Variants in ADGRB3 observed in about 807,000 individuals in gnomAD.
The protein encoded by ADGRB3 is adhesion G protein-coupled receptor B3.
In ADGRB3, 37 loss-of-function variants were observed where a neutral mutation model predicts 193.4. The observed-to-expected ratio is 0.19, with a 90% confidence interval of 0.15 to 0.25. ADGRB3 has a LOEUF of 0.25. ADGRB3 is among the 10% of genes least tolerant of loss of function. The pLI, the probability that ADGRB3 is intolerant of heterozygous loss-of-function variation, is 1.00. For synonymous variants in ADGRB3, 690 were observed against 644.2 expected, an observed-to-expected ratio of 1.07 and a Z score of -1.08; for missense variants, 1,637 against 1,852.9, an observed-to-expected ratio of 0.88 and a Z score of 2.14.
intron 3 of ADGRB3, among the ~76,000 whole-genome samples, chr6:68,647,557 G>A (rs1768246619): frequency 6.6e-6 from 1 of 152,124 alleles, no homozygotes; most frequent in Non-Finnish European, 1.5e-5. Flanking sequence ...ATAGAGATAT[G>A]TGTCTGTTTT....
At chr6:68,814,483 T>C (rs1392812128) in intron 3 of ADGRB3, among the ~76,000 whole-genome samples, 1 of 152,212 alleles carries the variant, frequency 6.6e-6, no homozygotes, top group African/African-American at 2.4e-5. Flanking sequence ...AAAAAGTTTC[T>C]CCCATTCTGT....
At chr6:69,330,615 A>G (rs758412264) in intron 23 of ADGRB3, 43 bp downstream of exon 23, 1 of 1,522,288 alleles carries the variant, frequency 6.6e-7, no homozygotes, top group South Asian at 1.3e-5. Flanking sequence ...TAGGAAAAAA[A>G]AAAAAGACTA....
intron 17 of ADGRB3, among the ~76,000 whole-genome samples, chr6:69,172,675 GAAAT>G (rs1422714652): frequency 1.0e-5 from 1 of 96,382 alleles, no homozygotes; most frequent in Non-Finnish European, 2.1e-5. Context: ...AAAAAAAAGA[GAAAT>G]AAAGAAAAAG....
chr6:69,328,772 G>C (rs951880033), intron 22 of ADGRB3, among the ~76,000 whole-genome samples: 1 of 152,084 alleles, frequency 6.6e-6, no homozygotes, highest in African/African-American at 2.4e-5. Flanking sequence ...GCCATCTATA[G>C]TATTTTTAAA....
At chr6:69,183,122 T>C (rs1764970177) in intron 17 of ADGRB3, among the ~76,000 whole-genome samples, 2 of 152,138 alleles carry the variant, frequency 1.3e-5, no homozygotes, top group South Asian at 4.1e-4. Context: ...TTGGAGGATA[T>C]ACATTATTTA....
chr6:68,850,782 T>C (rs760488686), intron 3 of ADGRB3, among the ~76,000 whole-genome samples: 1 of 152,034 alleles, frequency 6.6e-6, no homozygotes, highest in Non-Finnish European at 1.5e-5. Flanking sequence ...GCATTCATTA[T>C]ATAAACCTCA....
rs141983603 is a variant in ADGRB3 at position 68,724,916 on chromosome 6, T to C, written c.757+85484T>C. Among the ~76,000 whole-genome samples, 4 of 151,830 alleles carry C rather than the reference T, an allele frequency of 2.6e-5. No individual in the cohort carries two copies. In the East Asian group the frequency reaches 7.8e-4, roughly 30 times the overall value. The stretch of plus-strand genomic sequence containing the variant: ...AACAAAGGCATGTTTGCAACTAGCG[T>C]ACACACCAGAATTTCTAGAACTGTC... On this transcript the variant is annotated intron_variant, in intron 3 of 31. Coordinates refer to ENST00000370598, the MANE Select transcript of ADGRB3 (RefSeq NM_001704.3).
At chr6:68,819,946 C>G (rs1767717891) in intron 3 of ADGRB3, among the ~76,000 whole-genome samples, 1 of 151,950 alleles carries the variant, frequency 6.6e-6, no homozygotes, top group Admixed American at 6.6e-5. Flanking sequence ...TTTAAATAAC[C>G]TTATCATTGG....
chr6:68,806,063 A>G (rs1460188182), intron 3 of ADGRB3, among the ~76,000 whole-genome samples: 1 of 152,198 alleles, frequency 6.6e-6, no homozygotes, highest in Non-Finnish European at 1.5e-5. Flanking sequence ...CTCCCTTTGT[A>G]GTCAATAGGG....
In ADGRB3 at chr6:68,916,928, A is replaced by G. The variant is rs988870367; in HGVS notation, c.758-13631A>G. Among the ~76,000 whole-genome samples the G allele has an allele frequency of 3.3e-5, 5 of 152,228 alleles. 1 individual carries two copies. In the East Asian group the frequency reaches 5.8e-4, roughly 18 times the overall value. On this transcript the variant is annotated intron_variant, in intron 3 of 31. Transcript: ENST00000370598. ...CTAAATACTGAGAAGTCATAAAAGG[A>G]CTTTATATATGTTTTACCTTGTAAA... is the stretch of plus-strand genomic sequence containing the variant.
chr6:69,072,814 A>G (rs1471399095), intron 16 of ADGRB3, among the ~76,000 whole-genome samples: 1 of 152,214 alleles, frequency 6.6e-6, no homozygotes, highest in Admixed American at 6.5e-5. Flanking sequence ...CTAGGTAAAT[A>G]TAGCATAACT....
chr6:68,787,128 A>C (rs1766991856), intron 3 of ADGRB3, among the ~76,000 whole-genome samples: 1 of 152,054 alleles, frequency 6.6e-6, no homozygotes, highest in Non-Finnish European at 1.5e-5. Context: ...CTCTTTTCCT[A>C]ATTGAATACC....
intron 3 of ADGRB3, among the ~76,000 whole-genome samples, chr6:68,676,927 CA>C (rs1561991501): frequency 6.6e-6 from 1 of 151,610 alleles, no homozygotes; most frequent in Non-Finnish European, 1.5e-5. Flanking sequence ...AACAGACAAG[CA>C]AAAAATAAAA....
rs552003802 is a variant in ADGRB3 at position 68,827,200 on chromosome 6, A to T, written c.758-103359A>T. Among the ~76,000 whole-genome samples, 5 of 152,162 alleles carry T rather than the reference A, an allele frequency of 3.3e-5. No homozygotes were observed. The South Asian group carries it at 1.0e-3, about 32-fold the overall frequency. On this transcript the variant is annotated intron_variant, in intron 3 of 31. Coordinates refer to ENST00000370598, the MANE Select transcript of ADGRB3 (RefSeq NM_001704.3). Reference sequence around the variant, plus strand: ...TATTGAACAGCCCTTTAATTAGGAGAACAACATGTTAAGTGTGGTGTCCTG... The same window carrying T: ...TATTGAACAGCCCTTTAATTAGGAGTACAACATGTTAAGTGTGGTGTCCTG...
chr6:69,150,639 T>C (rs1234276013), intron 17 of ADGRB3, among the ~76,000 whole-genome samples: 1 of 152,182 alleles, frequency 6.6e-6, no homozygotes. Flanking sequence ...GCAAGACACA[T>C]TTCCCTTCAC....
intron 20 of ADGRB3, among the ~76,000 whole-genome samples, chr6:69,263,800 T>C (rs1317753894): frequency 6.6e-6 from 1 of 151,972 alleles, no homozygotes; most frequent in Admixed American, 6.6e-5. Context: ...TGATTAACTT[T>C]ATTCACACCT....
At chr6:68,840,191 T>C (rs75472594) in intron 3 of ADGRB3, among the ~76,000 whole-genome samples, 14,219 of 151,942 alleles carry the variant, frequency 0.094, 880 homozygotes, top group Non-Finnish European at 0.13. Flanking sequence ...GCAAGTGTAT[T>C]TGGGGGACAC....
chr6:69,129,019 T>C (rs1773930262), intron 17 of ADGRB3, among the ~76,000 whole-genome samples: 1 of 152,182 alleles, frequency 6.6e-6, no homozygotes, highest in South Asian at 2.1e-4. Flanking sequence ...AAGCCTTTCT[T>C]AGGGTAAGTG....
At chr6:68,695,444 C>A (rs768595161) in intron 3 of ADGRB3, among the ~76,000 whole-genome samples, 69 of 151,996 alleles carry the variant, frequency 4.5e-4, no homozygotes, top group Non-Finnish European at 7.1e-4. Context: ...AAGAGGGGAA[C>A]AAATCTAAAC....
Sources: gnomAD v4.1 joint callset for allele counts (sites outside exome capture counted in the v4.1 genomes callset) on GRCh38, gnomAD v4.1.1 for gene constraint, MANE v1.5 for transcripts, NCBI Gene and HGNC (gene_info 2026-07-23, HGNC 2026-07-21) for gene names.